The following OCRL variants were observed in gnomAD, a reference collection of about 807,000 sequenced individuals.
OCRL encodes the protein inositol polyphosphate 5-phosphatase OCRL.
In OCRL, 8 loss-of-function variants were observed where a neutral mutation model predicts 78.9. The observed-to-expected ratio is 0.10, with a 90% CI of 0.06 to 0.18. The LOEUF is 0.18. Among genes scored for constraint, OCRL ranks in the 10% least tolerant of loss-of-function variants. The pLI, the probability that OCRL is intolerant of heterozygous loss-of-function variation, is 1.00. For missense variants in OCRL, 454 were observed against 696.7 expected (o/e 0.65, Z 3.92); for synonymous variants, 240 against 235.4 (o/e 1.02, Z -0.18).
rs192217890 is a variant in OCRL, at chrX:129,553,817, G to A, written c.239-3508G>A. On this transcript the variant is annotated intron_variant, in intron 4 of 23. Transcript: ENST00000371113. ...TTGTTTCAGATAGTAGTAGGAGACT[G>A]ATTGACTGTAGGACCTTAGGTTGCT... is the stretch of plus-strand genomic sequence containing the variant. Among the ~76,000 whole-genome samples the A allele has an allele frequency of 1.6e-3, 183 of 111,821 alleles. 1 individual carries two copies. The highest frequency in any genetic ancestry group is 5.8e-3 in the African/African-American group (178 of 30,767).
At position 129,590,387 on chromosome X, in the gene OCRL, T is replaced by A; in HGVS notation, c.*117T>A. 2.1e-6 allele frequency: 2 copies of A among 955,885 alleles called. No individual in the cohort carries two copies. Among genetic ancestry groups the A allele is most frequent in the Non-Finnish European group, 3.0e-6 (2 of 674,209 alleles). 78.8% of individuals were successfully genotyped at this position (955,885 alleles called of 1,213,427 possible). On this transcript the variant is annotated 3_prime_UTR_variant, in exon 24 of 24. Coordinates refer to ENST00000371113, the MANE Select transcript of OCRL (RefSeq NM_000276.4). Reference sequence around the variant, plus strand: ...CTATTGCAGAATTTCAAGTTCTGTTTATAGTAAAAAGGAAGAGCGTTTCCT... The same window carrying A: ...CTATTGCAGAATTTCAAGTTCTGTTAATAGTAAAAAGGAAGAGCGTTTCCT...
In OCRL at chrX:129,564,612, A is replaced by G. The variant is rs1334675448; in HGVS notation, c.1245-1160A>G. Among the ~76,000 whole-genome samples, 9 of 110,911 alleles carry G rather than the reference A, an allele frequency of 8.1e-5. No homozygotes were observed. In the East Asian group the frequency reaches 2.3e-3, roughly 28 times the overall value. ...TGGAAATCATCATTCACAGTAAACTATCGCAAGAACAAAAAACCAAACACT... is the reference window on the plus strand; with the variant it reads ...TGGAAATCATCATTCACAGTAAACTGTCGCAAGAACAAAAAACCAAACACT... On this transcript the variant is annotated intron_variant, in intron 12 of 23. Coordinates refer to ENST00000371113, the MANE Select transcript of OCRL (RefSeq NM_000276.4).
At chrX:129,545,281 T>C (rs1209987609) in intron 3 of OCRL, among the ~76,000 whole-genome samples, 1 of 112,430 alleles carries the variant, frequency 8.9e-6, no homozygotes, top group Non-Finnish European at 1.9e-5. Context: ...TAGAGATGTA[T>C]GTAGATTGTT....
At chrX:129,545,165 A>G in intron 3 of OCRL, 128 bp downstream of exon 3, 1 of 476,955 alleles carries the variant, frequency 2.1e-6, no homozygotes, top group Non-Finnish European at 3.7e-6. Flanking sequence ...TTGCATAAAA[A>G]GATAACATTG....
intron 14 of OCRL, 77 bp downstream of exon 14, chrX:129,567,440 T>C (rs1936231526): frequency 2.8e-6 from 2 of 709,224 alleles, no homozygotes; most frequent in African/African-American, 2.1e-5. Context: ...GGTAAGGGGC[T>C]AGGAATTTTT....
intron 4 of OCRL, among the ~76,000 whole-genome samples, chrX:129,551,864 G>T (rs1456099259): frequency 8.9e-6 from 1 of 112,023 alleles, no homozygotes; most frequent in Non-Finnish European, 1.9e-5. Flanking sequence ...GACCAGAGGG[G>T]CTAAGTAAGA....
chrX:129,559,355 C>T (rs1023522063), intron 8 of OCRL, among the ~76,000 whole-genome samples: 1 of 111,687 alleles, frequency 9.0e-6, no homozygotes, highest in Non-Finnish European at 1.9e-5. Context: ...CACACCACCA[C>T]ATCCAGCTAA....
chrX:129,553,534 G>C (rs1210434382), intron 4 of OCRL, among the ~76,000 whole-genome samples: 1 of 111,849 alleles, frequency 8.9e-6, no homozygotes, highest in African/African-American at 3.3e-5. Flanking sequence ...AGGATATGGG[G>C]GTGTGTCTAG....
chrX:129,581,252 G>T, intron 18 of OCRL, among the ~76,000 whole-genome samples: 2 of 112,460 alleles, frequency 1.8e-5, no homozygotes, highest in Middle Eastern at 9.3e-3. Context: ...GTCTTCTGAG[G>T]GTGAATGTTG....
At chrX:129,566,815 T>C (rs2124410405) in intron 13 of OCRL, among the ~76,000 whole-genome samples, 1 of 112,476 alleles carries the variant, frequency 8.9e-6, no homozygotes, top group Non-Finnish European at 1.9e-5. Context: ...GAGTCTTATA[T>C]AACTCTGGTA....
At chrX:129,546,324 G>A (rs56967805) in intron 3 of OCRL, among the ~76,000 whole-genome samples, 1,198 of 111,701 alleles carry the variant, frequency 0.011, 19 homozygotes, top group African/African-American at 0.036. Flanking sequence ...TTTATGAATG[G>A]TCCATAATGT....
intron 13 of OCRL, among the ~76,000 whole-genome samples, chrX:129,566,695 T>C (rs1936221770): frequency 8.9e-6 from 1 of 112,434 alleles, no homozygotes; most frequent in Non-Finnish European, 1.9e-5. Flanking sequence ...GAATGGTTTT[T>C]GTAGTGAGCC....
At chrX:129,587,546 A>G (rs1288170421) in intron 20 of OCRL, among the ~76,000 whole-genome samples, 1 of 110,928 alleles carries the variant, frequency 9.0e-6, no homozygotes, top group African/African-American at 3.3e-5. Flanking sequence ...ATGCCACCCC[A>G]CCTCATTCGC....
rs1034003977 is a variant in OCRL at position 129,589,283 on chromosome X, G to A, written c.2469+270G>A. The stretch of plus-strand genomic sequence containing the variant: ...CTCTACTCTGGGGTAAATTGGTGAA[G>A]CTGATTGTACGTGGAATTCTGGCTG... On this transcript the variant is annotated intron_variant, in intron 22 of 23. Coordinates refer to ENST00000371113, the MANE Select transcript of OCRL (RefSeq NM_000276.4). The A allele has an allele frequency of 1.7e-5, 6 of 352,550 alleles. No homozygotes were observed. In the Admixed American group the frequency reaches 2.7e-4, roughly 16 times the overall value. The allele number at this position is 352,550 out of a possible 1,213,427, so 29.1% of individuals were successfully genotyped here.
intron 2 of OCRL, among the ~76,000 whole-genome samples, chrX:129,543,952 G>T (rs1311430401): frequency 9.0e-6 from 1 of 111,529 alleles, no homozygotes; most frequent in Non-Finnish European, 1.9e-5. Flanking sequence ...TCAGTGAGGG[G>T]AAATAAATAT....
At position 129,566,869 on chromosome X, in the gene OCRL, G is replaced by A. The variant is rs770906137; in HGVS notation, c.1357-385G>A. ...CTTTCAAAACAATTTGAAACTATTCGCTGAATTTGGTTTGCAGAATTATTC... is the reference window on the plus strand; with the variant it reads ...CTTTCAAAACAATTTGAAACTATTCACTGAATTTGGTTTGCAGAATTATTC... On this transcript the variant is annotated intron_variant, in intron 13 of 23. Transcript: ENST00000371113. Among the ~76,000 whole-genome samples, 20 of 112,257 alleles carry A rather than the reference G, an allele frequency of 1.8e-4. No individual in the cohort carries two copies. In the South Asian group the frequency reaches 1.8e-3, roughly 10 times the overall value.
intron 4 of OCRL, among the ~76,000 whole-genome samples, chrX:129,550,983 G>A (rs1678115238): frequency 9.2e-6 from 1 of 108,665 alleles, no homozygotes; most frequent in Admixed American, 9.8e-5. Flanking sequence ...TCAAGTTTGT[G>A]TTTTTTAAAA....
At chrX:129,572,946 T>G (rs1936321700) in intron 15 of OCRL, among the ~76,000 whole-genome samples, 1 of 112,418 alleles carries the variant, frequency 8.9e-6, no homozygotes, top group East Asian at 2.8e-4. Context: ...CTTAATGTTC[T>G]CAACTATCGG....
chrX:129,563,101 T>G (rs765879535), intron 12 of OCRL, among the ~76,000 whole-genome samples: 10 of 111,936 alleles, frequency 8.9e-5, no homozygotes, highest in African/African-American at 3.2e-4. Flanking sequence ...AAGATAAAAT[T>G]AGAAGTTAAA....
Sources: gnomAD v4.1 joint callset for allele counts (sites outside exome capture counted in the v4.1 genomes callset) on GRCh38, gnomAD v4.1.1 for gene constraint, MANE v1.5 for transcripts, NCBI Gene and HGNC (gene_info 2026-07-23, HGNC 2026-07-21) for gene names.